The following TENM3 variants were observed in gnomAD, a reference collection of about 807,000 sequenced individuals.
TENM3 encodes the protein teneurin transmembrane protein 3.
A neutral mutation model predicts 255.1 loss-of-function variants in TENM3; 63 were observed. The ratio of observed to expected loss-of-function variants is 0.25; its 90% CI spans 0.20 to 0.30. TENM3 has a LOEUF of 0.30. Ranked by LOEUF, TENM3 falls within the 10% of genes least tolerant of loss-of-function variation. The pLI, the probability that TENM3 is intolerant of heterozygous loss-of-function variation, is 1.00. For missense variants in TENM3, 2,929 were observed against 3,461.1 expected (o/e 0.85, Z 3.86); for synonymous variants, 1,306 against 1,322.3 (o/e 0.99, Z 0.27).
At chr4:182,369,936 A>G (rs1245274661) in intron 3 of TENM3, among the ~76,000 whole-genome samples, 2 of 152,142 alleles carry the variant, frequency 1.3e-5, no homozygotes, top group Non-Finnish European at 2.9e-5. Flanking sequence ...AGGGCATTTG[A>G]TGAGAAGATA....
the TENM3 span, among the ~76,000 whole-genome samples, chr4:181,932,144 C>A: frequency 3.3e-5 from 5 of 152,114 alleles, no homozygotes; most frequent in African/African-American, 4.8e-5. Context: ...AAAGCAATGG[C>A]AACAAAAGCC....
chr4:182,451,498 A>G (rs1452275792), intron 3 of TENM3, among the ~76,000 whole-genome samples: 3 of 152,130 alleles, frequency 2.0e-5, no homozygotes, highest in South Asian at 2.1e-4. Context: ...AATACATTCA[A>G]TTTTTCACGG....
At chr4:181,581,002 C>G in the TENM3 span, among the ~76,000 whole-genome samples, 2 of 152,100 alleles carry the variant, frequency 1.3e-5, no homozygotes, top group African/African-American at 2.4e-5. Flanking sequence ...TCCTTGAAAG[C>G]CCAGGGCATA....
chr4:182,169,958 A>T (rs749271070), intron 1 of TENM3, among the ~76,000 whole-genome samples: 3 of 151,608 alleles, frequency 2.0e-5, no homozygotes, highest in Non-Finnish European at 4.4e-5. Context: ...TGAATCGCTT[A>T]TAGTTTCCGA....
intron 3 of TENM3, among the ~76,000 whole-genome samples, chr4:182,533,711 C>T (rs1479750195): frequency 2.6e-5 from 4 of 151,878 alleles, no homozygotes; most frequent in South Asian, 2.1e-4. Context: ...GTCAGGAGTT[C>T]GAGACCAGCC....
chr4:181,920,237 G>A, the TENM3 span, among the ~76,000 whole-genome samples: 1 of 151,938 alleles, frequency 6.6e-6, no homozygotes, highest in Non-Finnish European at 1.5e-5. Context: ...ATAGTCCTTT[G>A]GGTATATACC....
At chr4:181,807,158 T>A in the TENM3 span, among the ~76,000 whole-genome samples, 1 of 152,230 alleles carries the variant, frequency 6.6e-6, no homozygotes, top group South Asian at 2.1e-4. Flanking sequence ...TTTGAAAGCA[T>A]GTATCTTTCC....
At chr4:182,097,780 A>G in the TENM3 span, among the ~76,000 whole-genome samples, 6 of 152,186 alleles carry the variant, frequency 3.9e-5, no homozygotes, top group Non-Finnish European at 7.3e-5. Flanking sequence ...AAGCACTTTA[A>G]CACCATTGTC....
intron 2 of TENM3, among the ~76,000 whole-genome samples, chr4:182,337,028 T>A (rs1048921371): frequency 2.6e-5 from 4 of 152,152 alleles, no homozygotes; most frequent in Non-Finnish European, 5.9e-5. Flanking sequence ...AGAAGAAAAC[T>A]ACAATCAAAT....
chr4:182,008,155 A>C, the TENM3 span, among the ~76,000 whole-genome samples: 1 of 151,960 alleles, frequency 6.6e-6, no homozygotes, highest in East Asian at 1.9e-4. Context: ...TGCCCTTAAC[A>C]GTTTTTCCTT....
At chr4:181,855,076 C>A in the TENM3 span, among the ~76,000 whole-genome samples, 206 of 152,134 alleles carry the variant, frequency 1.4e-3, 5 homozygotes, top group African/African-American at 4.9e-3. Flanking sequence ...GAACTGAGTT[C>A]TGTTCTGTTT....
intron 1 of TENM3, chr4:182,190,412 T>C (rs938747155): frequency 1.3e-5 from 2 of 152,216 alleles, no homozygotes; most frequent in African/African-American, 2.4e-5. Context: ...AACCTTGCGC[T>C]AACAGCCGGA....
the TENM3 span, among the ~76,000 whole-genome samples, chr4:181,527,086 C>T: frequency 1.3e-5 from 2 of 152,006 alleles, no homozygotes; most frequent in African/African-American, 4.8e-5. Context: ...CCAGTCAGTG[C>T]TGTTGTGTTT....
chr4:182,560,420 C>T (rs1369172509), intron 3 of TENM3, among the ~76,000 whole-genome samples: 2 of 152,154 alleles, frequency 1.3e-5, no homozygotes, highest in Non-Finnish European at 2.9e-5. Context: ...GTTATTCCCT[C>T]GAGCTCAGTG....
At chr4:182,437,523 G>T (rs1439459950) in intron 3 of TENM3, among the ~76,000 whole-genome samples, 1 of 152,010 alleles carries the variant, frequency 6.6e-6, no homozygotes, top group Non-Finnish European at 1.5e-5. Context: ...CTGGCTGGGT[G>T]CGGTGGCTCA....
chr4:182,548,789 TC>T (rs1741714915), intron 3 of TENM3: 1 of 151,802 alleles, frequency 6.6e-6, no homozygotes, highest in Admixed American at 6.5e-5. Flanking sequence ...GCAGTCACTT[TC>T]AATTGCCAAC....
At chr4:182,276,295 C>T (rs960130565) in intron 1 of TENM3, among the ~76,000 whole-genome samples, 16 of 152,162 alleles carry the variant, frequency 1.1e-4, no homozygotes, top group African/African-American at 2.9e-4. Flanking sequence ...CCTTTTATCA[C>T]GTGAAAAGAA....
chr4:181,450,522 A>T, the TENM3 span, among the ~76,000 whole-genome samples: 1 of 152,262 alleles, frequency 6.6e-6, no homozygotes, highest in African/African-American at 2.4e-5. Context: ...GGATCAAGGT[A>T]ATTTGCTATG....
the TENM3 span, among the ~76,000 whole-genome samples, chr4:181,810,504 T>A: frequency 6.6e-6 from 1 of 152,030 alleles, no homozygotes; most frequent in Non-Finnish European, 1.5e-5. Context: ...AGTATGTTTC[T>A]GCTGTAATAG....
Sources: gnomAD v4.1 joint callset for allele counts (sites outside exome capture counted in the v4.1 genomes callset) on GRCh38, gnomAD v4.1.1 for gene constraint, MANE v1.5 for transcripts, NCBI Gene and HGNC (gene_info 2026-07-23, HGNC 2026-07-21) for gene names.